PI4KB: variants seen among roughly 807,000 people sequenced by gnomAD.
The protein encoded by PI4KB is PtdIns 4-kinase beta.
Under a neutral mutation model 81.4 loss-of-function variants are expected in PI4KB, and 23 were observed. That is an observed-to-expected ratio of 0.28 (90% CI 0.20 to 0.40). The LOEUF (loss-of-function observed/expected upper bound fraction) is 0.40, where lower values mean the gene tolerates loss of function less well. Among genes scored for constraint, PI4KB ranks in the 10% least tolerant of loss-of-function variants. The probability of loss-of-function intolerance (pLI) is 1.00; values close to 1 mark genes in which losing one functional copy is unlikely to be tolerated. For synonymous variants in PI4KB, 381 were observed against 406.8 expected (o/e 0.94, Z 0.76); for missense variants, 651 against 1,036.6 (o/e 0.63, Z 5.11).
Position 151,310,220 on chromosome 1 carries a change from T to A in PI4KB, c.945A>T (p.Ser315=), listed in dbSNP as rs1432948126. 3.7e-6 allele frequency: 6 copies of A among 1,605,882 alleles called. No homozygotes were observed. In the South Asian group the frequency reaches 5.6e-5, roughly 15 times the overall value. ...LSSSTESIDN[S]FSSPVRLAPE... ...GCCTGGCCCCACTTACGGAACTGAA[T>A]GAATTATCAATACTCTCGGTGCTGG... Residue 315 remains serine, a synonymous_variant, in exon 3 of 12, where the codon TCA becomes TCT. Coordinates refer to ENST00000368873, the MANE Select transcript of PI4KB (RefSeq NM_001369623.2).
At chr1:151,312,632 T>C (rs1000236002) in intron 2 of PI4KB, among the ~76,000 whole-genome samples, 2 of 152,200 alleles carry the variant, frequency 1.3e-5, no homozygotes, top group South Asian at 2.1e-4. Context: ...AGTGAATGAA[T>C]GTTACATGAA....
At chr1:151,321,972 A>C (rs1648914502) in intron 1 of PI4KB, among the ~76,000 whole-genome samples, 1 of 152,084 alleles carries the variant, frequency 6.6e-6, no homozygotes, top group Non-Finnish European at 1.5e-5. Context: ...TCCTGTATTC[A>C]ACAGCCTTCC....
intron 1 of PI4KB, among the ~76,000 whole-genome samples, chr1:151,320,698 C>T (rs1366863180): frequency 6.6e-6 from 1 of 152,244 alleles, no homozygotes; most frequent in Non-Finnish European, 1.5e-5. Flanking sequence ...TTCCCTGCCA[C>T]ACCTTCGTAG....
intron 8 of PI4KB, among the ~76,000 whole-genome samples, chr1:151,301,224 CT>C (rs1346084866): frequency 6.6e-6 from 1 of 150,800 alleles, no homozygotes; most frequent in Non-Finnish European, 1.5e-5. Flanking sequence ...CCTTTCTCTC[CT>C]TTTTTTTTGA....
chr1:151,307,543 AG>A, intron 4 of PI4KB, 30 bp downstream of exon 4: 2 of 1,474,792 alleles, frequency 1.4e-6, no homozygotes, highest in Non-Finnish European at 1.9e-6. Flanking sequence ...AGTCACGTCC[AG>A]GGTAGGGGTT....
At position 151,292,836 on chromosome 1, in the gene PI4KB, T is replaced by C. The variant is rs1307273508; in HGVS notation, c.*16A>G. On this transcript the variant is annotated 3_prime_UTR_variant, in exon 12 of 12. Transcript: ENST00000368873. ...GGTGCCCTGGACCCCCCACCACTCC[T>C]GGGCTGAGGAGCGTGTCACATGATG... 2.5e-6 allele frequency: 4 copies of C among 1,612,862 alleles called. No individual in the cohort carries two copies. The highest frequency in any genetic ancestry group is 2.5e-6 in the Non-Finnish European group (3 of 1,179,456).
At chr1:151,304,313 G>A (rs909094141) in intron 5 of PI4KB, among the ~76,000 whole-genome samples, 15 of 148,726 alleles carry the variant, frequency 1.0e-4, no homozygotes, top group Non-Finnish European at 1.9e-4. Flanking sequence ...CAGAGATTCT[G>A]CCTTTTGGCA....
intron 2 of PI4KB, among the ~76,000 whole-genome samples, chr1:151,311,769 TGA>T (rs1381057521): frequency 1.3e-5 from 2 of 152,184 alleles, no homozygotes; most frequent in Non-Finnish European, 2.9e-5. Context: ...TCACTCACAC[TGA>T]GTCAGCTCCG....
intron 9 of PI4KB, among the ~76,000 whole-genome samples, chr1:151,298,228 C>A (rs1477973402): frequency 6.6e-6 from 1 of 152,224 alleles, no homozygotes; most frequent in African/African-American, 2.4e-5. Flanking sequence ...CTCCTTTCTG[C>A]TCTCAGTCAC....
chr1:151,304,373 C>T (rs1460340429), intron 5 of PI4KB, among the ~76,000 whole-genome samples: 4 of 129,540 alleles, frequency 3.1e-5, no homozygotes, highest in Admixed American at 8.7e-5. Flanking sequence ...GACGGAGTTT[C>T]GCTCTTGTTG....
rs1694469836 is a variant in PI4KB, at chr1:151,293,329, G to A, written c.2270-296C>T. 7.3e-6 allele frequency: 10 copies of A among 1,367,766 alleles called. No homozygotes were observed. In the South Asian group the frequency reaches 1.2e-4, roughly 16 times the overall value. The allele number at this position is 1,367,766 out of a possible 1,614,324, so 84.7% of individuals were successfully genotyped here. The stretch of plus-strand genomic sequence containing the variant: ...CCAGAGGGCAGGCTGGGAGGAGGCT[G>A]GAGGGAGTGGGCCCTGAGCTGGGCA... On this transcript the variant is annotated intron_variant, in intron 11 of 11. Coordinates refer to ENST00000368873, the MANE Select transcript of PI4KB (RefSeq NM_001369623.2).
At chr1:151,327,168 T>C in intron 1 of PI4KB, 103 bp downstream of exon 1, 1 of 391,894 alleles carries the variant, frequency 2.6e-6, no homozygotes, top group African/African-American at 2.1e-5. Flanking sequence ...GGCAGTTTCG[T>C]AGTCGAACTC....
In PI4KB at chr1:151,316,204, G is replaced by C. The variant is rs775310113; in HGVS notation, c.278C>G (p.Pro93Arg). Reference protein sequence around the residue: ...VDSEIRCLDDPPAQIREEEDE... With the variant: ...VDSEIRCLDDRPAQIREEEDE... ...TTCCTCCTCCCTGATCTGGGCAGGT[G>C]GATCATCTAGGCAACGGATCTCACT... Residue 93 changes from proline (P) to arginine (R), a missense_variant, in exon 2 of 12, where the codon CCA becomes CGA. Pro to Arg is a moderately radical substitution (Grantham distance 103). Around this residue, in one of 5 missense-constraint regions of PI4KB, gnomAD observed 314 missense variants for 397.8 expected, o/e 0.79. Coordinates refer to ENST00000368873, the MANE Select transcript of PI4KB (RefSeq NM_001369623.2). 2 of 1,614,084 alleles carry C rather than the reference G, an allele frequency of 1.2e-6. No homozygotes were observed. Among genetic ancestry groups the C allele is most frequent in the South Asian group, 2.2e-5 (2 of 91,082 alleles).
intron 2 of PI4KB, among the ~76,000 whole-genome samples, chr1:151,314,118 G>T (rs1647538514): frequency 6.6e-6 from 1 of 152,198 alleles, no homozygotes; most frequent in African/African-American, 2.4e-5. Context: ...CAGAGAGCAG[G>T]CTCTATAGTC....
At chr1:151,302,577 C>CTTT (rs144203698) in intron 6 of PI4KB, among the ~76,000 whole-genome samples, 3 of 133,796 alleles carry the variant, frequency 2.2e-5, no homozygotes, top group South Asian at 2.3e-4. Flanking sequence ...CTTTTCTTTT[C>CTTT]TTTTTTTTTT....
At position 151,303,549 on chromosome 1, in the gene PI4KB, C is replaced by A. The variant is rs756895316; in HGVS notation, c.1512G>T (p.Gly504=). ...ESKEPVFIAA[G]DIRRRLSEQL... Reference sequence around the variant, plus strand: ...ATGTGATCTGGCCATACCGGATGTCCCCTGCTGCAATGAACACAGGCTCCT... The same window carrying A: ...ATGTGATCTGGCCATACCGGATGTCACCTGCTGCAATGAACACAGGCTCCT... Residue 504 remains glycine, a synonymous_variant, in exon 6 of 12, where the codon GGG becomes GGT. Transcript: ENST00000368873. 1.4e-5 allele frequency: 22 copies of A among 1,605,108 alleles called. No individual in the cohort carries two copies. Among genetic ancestry groups the A allele is most frequent in the Non-Finnish European group, 1.7e-5 (20 of 1,171,966 alleles).
chr1:151,322,817 C>T lies in PI4KB; in HGVS notation c.-29+4454G>A, dbSNP rs1460637001. Among the ~76,000 whole-genome samples the T allele has an allele frequency of 3.9e-5, 6 of 151,974 alleles. No individual in the cohort carries two copies. The East Asian group carries it at 5.8e-4, about 15-fold the overall frequency. ...AGTGGTGGAATCATGGCTCACTATA[C>T]GATTTCTGGTTGGGGATGCTTCCAA... On this transcript the variant is annotated intron_variant, in intron 1 of 11. Coordinates refer to ENST00000368873, the MANE Select transcript of PI4KB (RefSeq NM_001369623.2).
intron 4 of PI4KB, 59 bp from the exon 5 acceptor site, chr1:151,306,422 A>C: frequency 4.6e-6 from 5 of 1,089,778 alleles, no homozygotes; most frequent in Non-Finnish European, 7.1e-6. Context: ...CCCAAATCTC[A>C]ACTCTGTTAG....
At chr1:151,306,428 G>T in intron 4 of PI4KB, 65 bp from the exon 5 acceptor site, 1 of 1,007,862 alleles carries the variant, frequency 9.9e-7, no homozygotes, top group Non-Finnish European at 1.6e-6. Context: ...TCTCAACTCT[G>T]TTAGCAAGGT....
Sources: allele counts gnomAD v4.1 joint callset (sites outside exome capture counted in the v4.1 genomes callset), GRCh38; gene constraint gnomAD v4.1.1; regional missense constraint gnomAD v4.1.1; transcripts MANE v1.5; gene names NCBI Gene and HGNC (gene_info 2026-07-23, HGNC 2026-07-21).